The following TSGA10 variants were observed in gnomAD, a reference collection of about 807,000 sequenced individuals.
TSGA10 encodes the protein testis specific 10.
TSGA10 carries 43 observed loss-of-function variants against 96.6 expected under a neutral mutation model. The ratio of observed to expected loss-of-function variants is 0.44; its 90% CI spans 0.35 to 0.57. TSGA10 has a LOEUF of 0.57. TSGA10 is among the 20% of genes least tolerant of loss of function. The pLI is 0.01. For synonymous variants in TSGA10, 229 were observed against 269.9 expected (o/e 0.85, Z 1.48); for missense variants, 703 against 834.4 (o/e 0.84, Z 1.94).
At chr2:99,087,365 G>C (rs1310036155) in intron 10 of TSGA10, among the ~76,000 whole-genome samples, 1 of 151,894 alleles carries the variant, frequency 6.6e-6, no homozygotes, top group African/African-American at 2.4e-5. Context: ...AATTAGCCTG[G>C]TGTAGTGGCG....
chr2:99,092,067 A>T (rs1200363275), intron 10 of TSGA10, among the ~76,000 whole-genome samples: 2 of 152,198 alleles, frequency 1.3e-5, no homozygotes, highest in Non-Finnish European at 2.9e-5. Context: ...AAGAAAATTT[A>T]AATTATATCA....
intron 10 of TSGA10, among the ~76,000 whole-genome samples, chr2:99,082,569 T>G (rs1000034167): frequency 2.6e-5 from 4 of 151,928 alleles, no homozygotes; most frequent in African/African-American, 9.7e-5. Context: ...AGCATCAAAA[T>G]AAAATTTGGT....
At chr2:99,088,630 C>A (rs1280343494) in intron 10 of TSGA10, among the ~76,000 whole-genome samples, 1 of 152,168 alleles carries the variant, frequency 6.6e-6, no homozygotes. Context: ...GAAAACTGAT[C>A]ATTCCTTATG....
intron 10 of TSGA10, among the ~76,000 whole-genome samples, chr2:99,093,152 C>T (rs1357719568): frequency 6.6e-6 from 1 of 152,054 alleles, no homozygotes; most frequent in African/African-American, 2.4e-5. Flanking sequence ...AAACAAAAAT[C>T]ACATGATCAT....
chr2:99,042,036 C>A lies in TSGA10; in HGVS notation c.1405-6597G>T, dbSNP rs545821345. Among the ~76,000 whole-genome samples, 62 of 141,588 alleles carry A rather than the reference C, an allele frequency of 4.4e-4. 4 individuals carry two copies. The South Asian group carries it at 0.013, about 31-fold the overall frequency. The allele number at this position is 141,588 out of a possible 152,430, so 92.9% of individuals were successfully genotyped here. On this transcript the variant is annotated intron_variant, in intron 16 of 20. Transcript: ENST00000393483. ...TGCACATGAATAGACAATTGCCCCC[C>A]CACATTTTTTTTTTTTTTTTTTTTG...
intron 12 of TSGA10, among the ~76,000 whole-genome samples, chr2:99,074,081 C>T (rs1422672372): frequency 3.9e-5 from 5 of 129,460 alleles, no homozygotes; most frequent in Non-Finnish European, 7.8e-5. Flanking sequence ...GGCGCGATCT[C>T]GGCTCACTGC....
At chr2:99,050,558 T>C (rs949954598) in intron 16 of TSGA10, among the ~76,000 whole-genome samples, 1 of 152,164 alleles carries the variant, frequency 6.6e-6, no homozygotes, top group East Asian at 1.9e-4. Context: ...TAGAACTATG[T>C]AACAGTAACA....
chr2:99,111,557 A>T (rs2091819903), intron 4 of TSGA10, among the ~76,000 whole-genome samples: 1 of 152,100 alleles, frequency 6.6e-6, no homozygotes, highest in African/African-American at 2.4e-5. Context: ...GATCTTGCCT[A>T]CTACATTTTT....
chr2:99,137,535 G>C lies in TSGA10; in HGVS notation c.-620-10359C>G, dbSNP rs187839985. On this transcript the variant is annotated intron_variant, in intron 1 of 20. Coordinates refer to ENST00000393483, the MANE Select transcript of TSGA10 (RefSeq NM_025244.4). The stretch of plus-strand genomic sequence containing the variant: ...TGGGAAGCCATTGGTGTATTTTTGA[G>C]CCAGGATCATCTTATTATAATTTTC... Among the ~76,000 whole-genome samples, 9 of 151,844 alleles carry C rather than the reference G, an allele frequency of 5.9e-5. No individual in the cohort carries two copies. The East Asian group carries it at 1.8e-3, about 30-fold the overall frequency.
chr2:99,106,576 T>C (rs534734640), intron 7 of TSGA10, among the ~76,000 whole-genome samples: 2 of 151,944 alleles, frequency 1.3e-5, no homozygotes, highest in East Asian at 3.9e-4. Context: ...TCCCATGGTC[T>C]ATAACTATTG....
chr2:99,008,570 A>G (rs2078700940), intron 20 of TSGA10, among the ~76,000 whole-genome samples: 1 of 152,190 alleles, frequency 6.6e-6, no homozygotes, highest in Non-Finnish European at 1.5e-5. Flanking sequence ...GGGAAACAGT[A>G]CTTTCACACA....
intron 16 of TSGA10, among the ~76,000 whole-genome samples, chr2:99,059,045 AAAT>A (rs1330764850): frequency 8.4e-6 from 1 of 119,602 alleles, no homozygotes; most frequent in African/African-American, 3.8e-5. Context: ...CAAAAAAAAA[AAAT>A]AATATATATA....
intron 1 of TSGA10, among the ~76,000 whole-genome samples, chr2:99,132,391 C>T (rs1201778533): frequency 6.6e-6 from 1 of 151,948 alleles, no homozygotes; most frequent in African/African-American, 2.4e-5. Flanking sequence ...TCCATTTCTT[C>T]TAGATTTTCT....
intron 16 of TSGA10, among the ~76,000 whole-genome samples, chr2:99,049,037 C>G (rs2083103714): frequency 6.6e-6 from 1 of 152,224 alleles, no homozygotes; most frequent in Non-Finnish European, 1.5e-5. Context: ...GAGATACCCT[C>G]TCACACTAGC....
chr2:99,050,806 T>C (rs959737275), intron 16 of TSGA10, among the ~76,000 whole-genome samples: 1 of 152,148 alleles, frequency 6.6e-6, no homozygotes, highest in African/African-American at 2.4e-5. Context: ...TAAATCCAAC[T>C]ACAGTCATGT....
At chr2:99,013,104 A>T (rs910122142) in intron 20 of TSGA10, among the ~76,000 whole-genome samples, 1 of 151,848 alleles carries the variant, frequency 6.6e-6, no homozygotes, top group Admixed American at 6.6e-5. Flanking sequence ...TAGTTCCTTC[A>T]GGTGTGACCT....
chr2:99,067,157 C>A, intron 15 of TSGA10, among the ~76,000 whole-genome samples: 1 of 152,200 alleles, frequency 6.6e-6, no homozygotes, highest in East Asian at 1.9e-4. Context: ...TCATGTTGTT[C>A]CCACTGCCTG....
At chr2:99,144,847 C>T (rs1387585701) in intron 1 of TSGA10, among the ~76,000 whole-genome samples, 1 of 152,032 alleles carries the variant, frequency 6.6e-6, no homozygotes, top group Non-Finnish European at 1.5e-5. Flanking sequence ...GGTCCTGAAG[C>T]AGGAGAAGGT....
intron 20 of TSGA10, among the ~76,000 whole-genome samples, chr2:99,002,665 A>G (rs59187428): frequency 1.7e-4 from 26 of 152,096 alleles, no homozygotes; most frequent in African/African-American, 4.6e-4. Context: ...TGGGCTAAAT[A>G]CTCCAATTAA....
Sources: allele counts gnomAD v4.1 joint callset (sites outside exome capture counted in the v4.1 genomes callset), GRCh38; gene constraint gnomAD v4.1.1; transcripts MANE v1.5; gene names NCBI Gene and HGNC (gene_info 2026-07-23, HGNC 2026-07-21).